The following ARSG variants were observed in gnomAD, a reference collection of about 807,000 sequenced individuals.
The protein encoded by ARSG is arylsulfatase G.
In ARSG, 37 loss-of-function variants were observed where a neutral mutation model predicts 50.5. The observed-to-expected ratio is 0.73, with a 90% CI of 0.56 to 0.96. ARSG has a LOEUF of 0.96. Among genes scored for constraint, ARSG ranks in the 50% least tolerant of loss-of-function variants. The pLI, the probability that ARSG is intolerant of heterozygous loss-of-function variation, is 0.00. For synonymous variants in ARSG, 225 were observed against 254.6 expected (o/e 0.88, Z 1.11); for missense variants, 629 against 675.3 (o/e 0.93, Z 0.76).
Position 68,370,220 on chromosome 17 carries a change from G to A in ARSG, c.902-224G>A, listed in dbSNP as rs140343954. 7.1e-3 allele frequency among the ~76,000 whole-genome samples: 1,077 copies of A among 152,088 alleles called. 12 individuals are homozygous for A. The highest frequency in any genetic ancestry group is 0.024 in the African/African-American group (1,006 of 41,486). ...AGTAGAGAAGGGGTTTCACCATGTC[G>A]GCCAGGCTGGTCTGGAACTCCTGAC... On this transcript the variant is annotated intron_variant, in intron 7 of 11. Coordinates refer to ENST00000621439, the MANE Select transcript of ARSG (RefSeq NM_001267727.2).
intron 1 of ARSG, chr17:68,269,297 G>A (rs782513137): frequency 9.2e-5 from 120 of 1,299,540 alleles, no homozygotes; most frequent in Non-Finnish European, 1.2e-4. Flanking sequence ...TGCCAGCTGC[G>A]CAGGAGTAGA....
At chr17:68,433,259 C>T in the ARSG span, among the ~76,000 whole-genome samples, 24 of 152,356 alleles carry the variant, frequency 1.6e-4, no homozygotes, top group African/African-American at 4.8e-4. Flanking sequence ...AGAGCCAGGA[C>T]GTGAACTCAC....
intron 3 of ARSG, among the ~76,000 whole-genome samples, chr17:68,344,271 C>T (rs572773722): frequency 6.6e-5 from 10 of 152,314 alleles, no homozygotes; most frequent in African/African-American, 9.6e-5. Flanking sequence ...CTTTTGGCCA[C>T]GCCTCACTGC....
chr17:68,430,256 G>C, the ARSG span: 14 of 1,255,382 alleles, frequency 1.1e-5, no homozygotes, highest in African/African-American at 1.5e-5. Flanking sequence ...CACACTCCCC[G>C]CAGCAGGGAG....
chr17:68,286,429 C>T lies in ARSG; in HGVS notation c.-551-20514C>T, dbSNP rs972785453. Among the ~76,000 whole-genome samples the T allele has an allele frequency of 5.3e-5, 8 of 152,180 alleles. 1 individual carries two copies. The highest frequency in any genetic ancestry group is 1.2e-4 in the Non-Finnish European group (8 of 68,024). The stretch of plus-strand genomic sequence containing the variant: ...AACTGATCCCCAAGAGGTGAAGGGA[C>T]TTGACTGAAATAGCCCAATACTGAA... On this transcript the variant is annotated intron_variant, in intron 1 of 11. Coordinates refer to the ARSG transcript ENST00000448504.
intron 5 of ARSG, among the ~76,000 whole-genome samples, chr17:68,353,260 C>A (rs1055084115): frequency 3.3e-5 from 5 of 151,906 alleles, no homozygotes; most frequent in Non-Finnish European, 5.9e-5. Flanking sequence ...CAGGTTACAC[C>A]GGAGCTGGAA....
chr17:68,372,723 G>T (rs947371278), intron 8 of ARSG, among the ~76,000 whole-genome samples: 1 of 152,060 alleles, frequency 6.6e-6, no homozygotes, highest in African/African-American at 2.4e-5. Context: ...TGTTTTCCCT[G>T]CTGTCAAACT....
At chr17:68,280,405 G>GT (rs2060672094) in intron 1 of ARSG, among the ~76,000 whole-genome samples, 1 of 152,068 alleles carries the variant, frequency 6.6e-6, no homozygotes, top group Non-Finnish European at 1.5e-5. Flanking sequence ...CAACACAACA[G>GT]TAATCAAAAC....
At chr17:68,372,296 C>T (rs78571566) in intron 8 of ARSG, among the ~76,000 whole-genome samples, 22,363 of 152,038 alleles carry the variant, frequency 0.15, 2,153 homozygotes, top group African/African-American at 0.26. Flanking sequence ...ATCAATTGAT[C>T]GATCGATCGA....
chr17:68,389,845 C>T (rs2080907218), intron 9 of ARSG, among the ~76,000 whole-genome samples: 1 of 152,138 alleles, frequency 6.6e-6, no homozygotes, highest in African/African-American at 2.4e-5. Context: ...CTGCCCAGCA[C>T]AGCACCTCAG....
At chr17:68,380,358 C>T (rs749710795) in intron 8 of ARSG, among the ~76,000 whole-genome samples, 8 of 152,168 alleles carry the variant, frequency 5.3e-5, no homozygotes, top group Non-Finnish European at 1.0e-4. Flanking sequence ...CATCCCACCT[C>T]AGCCTCCCAA....
the ARSG span, among the ~76,000 whole-genome samples, chr17:68,433,838 G>A: frequency 8.5e-5 from 11 of 129,342 alleles, no homozygotes; most frequent in South Asian, 2.5e-4. Context: ...GCTGGAGTAC[G>A]GTGGCTTGAT....
the ARSG span, chr17:68,444,608 A>G: frequency 3.4e-5 from 55 of 1,603,934 alleles, 1 homozygote; most frequent in African/African-American, 4.2e-4. Flanking sequence ...ACACAGACTT[A>G]TCAGTCTACC....
At position 68,331,782 on chromosome 17, in the gene ARSG, G is replaced by T. The variant is rs138694788; in HGVS notation, c.219-11822G>T. ...ACAAAACAGAGAAATTTTAAAGCTG[G>T]GTGTCCGGGGGAGACATCACATGTT... On this transcript the variant is annotated intron_variant, in intron 2 of 11. Transcript: ENST00000621439. 4.8e-3 allele frequency among the ~76,000 whole-genome samples: 729 copies of T among 152,196 alleles called. 1 individual carries two copies. The highest frequency in any genetic ancestry group is 6.2e-3 in the South Asian group (30 of 4,810).
At chr17:68,396,445 G>C (rs2081254048) in intron 10 of ARSG, among the ~76,000 whole-genome samples, 1 of 152,192 alleles carries the variant, frequency 6.6e-6, no homozygotes, top group Non-Finnish European at 1.5e-5. Flanking sequence ...GAAATGTCAG[G>C]CCTCATGGCC....
At position 68,420,320 on chromosome 17, in the gene ARSG, C is replaced by G. The variant is rs1379310378; in HGVS notation, c.1435C>G (p.Leu479Val). 1 of 1,614,018 alleles carries G rather than the reference C, an allele frequency of 6.2e-7. No homozygotes were observed. The highest frequency in any genetic ancestry group is 2.2e-5 in the East Asian group (1 of 44,878). The change falls in exon 12 of 12, where the codon CTG (leucine) becomes GTG (valine). Residue 479 changes from leucine (L) to valine (V), a missense_variant. By Grantham distance (32) the Leu-to-Val change is conservative (BLOSUM62 1). Transcript: ENST00000621439. Reference sequence around the variant, plus strand: ...AGGTGGTGCGGAGTACCAGGCTGTGCTGCCCGAGGTCAGAAAGGTTCTTGC... The same window carrying G: ...AGGTGGTGCGGAGTACCAGGCTGTGGTGCCCGAGGTCAGAAAGGTTCTTGC... ...ERGGAEYQAV[L>V]PEVRKVLADV...
chr17:68,436,305 G>T, the ARSG span: 1 of 1,350,240 alleles, frequency 7.4e-7, no homozygotes, highest in Non-Finnish European at 1.1e-6. Flanking sequence ...CGACGGCAGG[G>T]CGTCCTTATC....
chr17:68,395,888 A>G (rs1568572422), intron 10 of ARSG, among the ~76,000 whole-genome samples: 1 of 152,152 alleles, frequency 6.6e-6, no homozygotes, highest in Non-Finnish European at 1.5e-5. Context: ...GGATGAACCA[A>G]TGAAGGAACA....
intron 1 of ARSG, among the ~76,000 whole-genome samples, chr17:68,261,690 A>C (rs1411696316): frequency 6.6e-6 from 1 of 152,204 alleles, no homozygotes; most frequent in Non-Finnish European, 1.5e-5. Flanking sequence ...GATAGAAACA[A>C]GTACCATTTT....
Sources: allele counts gnomAD v4.1 joint callset (sites outside exome capture counted in the v4.1 genomes callset), GRCh38; gene constraint gnomAD v4.1.1; transcripts MANE v1.5; gene names NCBI Gene and HGNC (gene_info 2026-07-23, HGNC 2026-07-21).